The following LRFN5 variants were observed in gnomAD, a reference collection of about 807,000 sequenced individuals.
LRFN5 encodes leucine rich repeat and fibronectin type III domain containing 5.
A neutral mutation model predicts 45.6 loss-of-function variants in LRFN5; 24 were observed. That is an observed-to-expected ratio of 0.53 (90% CI 0.38 to 0.74). The LOEUF (loss-of-function observed/expected upper bound fraction) is 0.74, where lower values mean the gene tolerates loss of function less well. Among genes scored for constraint, LRFN5 ranks in the 30% least tolerant of loss-of-function variants. The pLI is 0.00. For missense variants in LRFN5, 776 were observed against 861.5 expected (o/e 0.90, Z 1.24); for synonymous variants, 340 against 313.8 (o/e 1.08, Z -0.88).
intron 1 of LRFN5, among the ~76,000 whole-genome samples, chr14:41,724,114 A>T (rs930142684): frequency 6.6e-6 from 1 of 152,134 alleles, no homozygotes; most frequent in Admixed American, 6.5e-5. Context: ...CACTTTTATC[A>T]GCCAAATGCT....
At chr14:41,646,647 T>G (rs1246889513) in intron 1 of LRFN5, among the ~76,000 whole-genome samples, 1 of 152,240 alleles carries the variant, frequency 6.6e-6, no homozygotes, top group Non-Finnish European at 1.5e-5. Flanking sequence ...TACTTTTTTT[T>G]GTTTTTGATT....
chr14:41,742,692 C>CAAAAGAGTCA (rs1884754700), intron 1 of LRFN5: 1 of 151,954 alleles, frequency 6.6e-6, no homozygotes, highest in African/African-American at 2.4e-5. Flanking sequence ...CAACAAGAGC[C>CAAAAGAGTCA]AGAAGAGCCA....
intron 1 of LRFN5, among the ~76,000 whole-genome samples, chr14:41,641,062 TA>T (rs1012695224): frequency 1.4e-4 from 21 of 151,492 alleles, no homozygotes; most frequent in Non-Finnish European, 2.5e-4. Flanking sequence ...AGACAAAGAA[TA>T]AAAAAAAATT....
intron 4 of LRFN5, among the ~76,000 whole-genome samples, chr14:41,897,895 A>G (rs547987956): frequency 6.6e-6 from 1 of 152,244 alleles, no homozygotes; most frequent in African/African-American, 2.4e-5. Flanking sequence ...CCTGACACAT[A>G]GGCTATGTAC....
At chr14:41,805,559 C>CCG (rs1293755928) in intron 2 of LRFN5, among the ~76,000 whole-genome samples, 1 of 147,314 alleles carries the variant, frequency 6.8e-6, no homozygotes, top group Admixed American at 7.0e-5. Flanking sequence ...CTCCACCCCC[C>CCG]CCACCCCACA....
chr14:41,666,547 G>T (rs1313404534), intron 1 of LRFN5, among the ~76,000 whole-genome samples: 2 of 151,966 alleles, frequency 1.3e-5, no homozygotes, highest in Non-Finnish European at 2.9e-5. Flanking sequence ...AATTCCTCAT[G>T]GCTATTTTTA....
chr14:41,717,224 C>T (rs971159289), intron 1 of LRFN5, among the ~76,000 whole-genome samples: 1 of 152,224 alleles, frequency 6.6e-6, no homozygotes, highest in South Asian at 2.1e-4. Context: ...CAACTCCACA[C>T]TCAACCTCTA....
At chr14:41,780,933 ATAGT>A (rs1295713158) in intron 2 of LRFN5, among the ~76,000 whole-genome samples, 3 of 152,138 alleles carry the variant, frequency 2.0e-5, no homozygotes, top group African/African-American at 4.8e-5. Flanking sequence ...AAGTATCCAG[ATAGT>A]TAGCAACAGA....
chr14:41,712,754 C>A, intron 1 of LRFN5, among the ~76,000 whole-genome samples: 1 of 151,816 alleles, frequency 6.6e-6, no homozygotes, highest in East Asian at 1.9e-4. Flanking sequence ...GATCTCATGC[C>A]CAAACTTTCC....
intron 2 of LRFN5, among the ~76,000 whole-genome samples, chr14:41,874,789 TCA>T (rs1459229836): frequency 6.6e-6 from 1 of 152,216 alleles, no homozygotes; most frequent in Admixed American, 6.5e-5. Context: ...TTTAATTGAC[TCA>T]CAGTTTAGCG....
chr14:41,816,306 TTA>T (rs1335107952), intron 2 of LRFN5, among the ~76,000 whole-genome samples: 1 of 152,148 alleles, frequency 6.6e-6, no homozygotes, highest in African/African-American at 2.4e-5. Flanking sequence ...ATTATTATTT[TTA>T]AAAGTTATCT....
At chr14:41,895,631 GA>G (rs1890912366) in intron 4 of LRFN5, among the ~76,000 whole-genome samples, 1 of 147,846 alleles carries the variant, frequency 6.8e-6, no homozygotes, top group South Asian at 2.1e-4. Context: ...TCTCAAAAGA[GA>G]AGAAAAAAAA....
chr14:41,887,873 G>A lies in LRFN5; in HGVS notation c.1248G>A (p.Leu416=), dbSNP rs1890633968. ...GCAGTAGTAATGGTGATACTAAATT[G>A]AGTCAAGATAAAATTGTGGTGGCAG... ...NTSSSNGDTK[L]SQDKIVVAEA... Residue 416 remains leucine (L), a synonymous_variant, in exon 3 of 6, where the codon TTG becomes TTA. Transcript: ENST00000298119. The surrounding 1 kb of genome is among the most constrained non-coding windows in gnomAD (Gnocchi z 4.8). The A allele has an allele frequency of 4.3e-6, 7 of 1,614,046 alleles. No homozygotes were observed. The highest frequency in any genetic ancestry group is 5.9e-6 in the Non-Finnish European group (7 of 1,180,012).
chr14:41,619,757 A>G (rs1176878707), intron 1 of LRFN5, among the ~76,000 whole-genome samples: 2 of 152,008 alleles, frequency 1.3e-5, no homozygotes, highest in African/African-American at 2.4e-5. Flanking sequence ...TGCATATACT[A>G]TGTGTATTAT....
intron 1 of LRFN5, among the ~76,000 whole-genome samples, chr14:41,644,554 G>GA (rs1266344317): frequency 6.6e-6 from 1 of 152,056 alleles, no homozygotes; most frequent in Non-Finnish European, 1.5e-5. Flanking sequence ...AGTTTGGCAG[G>GA]GTTGGGTAAG....
intron 1 of LRFN5, among the ~76,000 whole-genome samples, chr14:41,765,322 ACT>A (rs1885838272): frequency 2.0e-5 from 3 of 149,104 alleles, no homozygotes; most frequent in Non-Finnish European, 4.4e-5. Context: ...AGCCTGGGCT[ACT>A]GAGCGAGACT....
intron 1 of LRFN5, among the ~76,000 whole-genome samples, chr14:41,755,936 C>T (rs199909058): frequency 1.3e-5 from 2 of 152,156 alleles, no homozygotes; most frequent in South Asian, 2.1e-4. Flanking sequence ...GTGCTTTCTT[C>T]AGGAGCCCTT....
intron 1 of LRFN5, among the ~76,000 whole-genome samples, chr14:41,705,657 CTA>C (rs1415697007): frequency 1.3e-5 from 2 of 152,144 alleles, no homozygotes; most frequent in Admixed American, 1.3e-4. Context: ...ATATCATACT[CTA>C]TCCCTACTCA....
At chr14:41,791,139 G>A (rs143920965) in intron 2 of LRFN5, among the ~76,000 whole-genome samples, 297 of 151,696 alleles carry the variant, frequency 2.0e-3, no homozygotes, top group African/African-American at 6.9e-3. Flanking sequence ...CAGATCATCT[G>A]TATATTTTTT....
Sources: allele counts gnomAD v4.1 joint callset (sites outside exome capture counted in the v4.1 genomes callset), GRCh38; gene constraint gnomAD v4.1.1; non-coding constraint Gnocchi (gnomAD v3.1); transcripts MANE v1.5; gene names NCBI Gene and HGNC (gene_info 2026-07-23, HGNC 2026-07-21).